TSHZ2: variants seen among roughly 807,000 people sequenced by gnomAD.
TSHZ2 encodes teashirt homolog 2.
In TSHZ2, 21 loss-of-function variants were observed where a neutral mutation model predicts 74.4. The observed-to-expected ratio is 0.28, with a 90% CI of 0.20 to 0.41. The LOEUF (loss-of-function observed/expected upper bound fraction) is 0.41. TSHZ2 is among the 10% of genes least tolerant of loss of function. TSHZ2 has a pLI of 1.00. For missense variants in TSHZ2, 1,244 were observed against 1,293.5 expected, an observed-to-expected ratio of 0.96 and a Z score of 0.59; for synonymous variants, 540 against 515.3, an observed-to-expected ratio of 1.05 and a Z score of -0.65.
chr20:53,354,422 T>A (rs200630), intron 2 of TSHZ2, among the ~76,000 whole-genome samples: 88,003 of 152,080 alleles, frequency 0.58, 26,345 homozygotes, highest in African/African-American at 0.68. Context: ...TTGGCTTGTA[T>A]AGTAGCAGCA....
intron 1 of TSHZ2, among the ~76,000 whole-genome samples, chr20:52,979,741 C>T (rs568900736): frequency 1.3e-5 from 2 of 152,156 alleles, no homozygotes; most frequent in South Asian, 4.2e-4. Context: ...TTCTGGGATG[C>T]TAAAGTCATG....
rs777258500 is a variant in TSHZ2 at position 53,133,007 on chromosome 20, G to C, written c.41-120492G>C. Among the ~76,000 whole-genome samples, 164 of 151,490 alleles carry C rather than the reference G, an allele frequency of 1.1e-3. 1 individual carries two copies. Among genetic ancestry groups the C allele is most frequent in the Non-Finnish European group, 1.7e-3 (115 of 67,934 alleles). Reference sequence around the variant, plus strand: ...CTCTTTCTCATTCTTTTCTCTCCCTGCTAGCATTTGATTAAGTTACAAAAG... The same window carrying C: ...CTCTTTCTCATTCTTTTCTCTCCCTCCTAGCATTTGATTAAGTTACAAAAG... On this transcript the variant is annotated intron_variant, in intron 1 of 2. Transcript: ENST00000371497.
chr20:53,253,460 C>A (rs1990373478), intron 1 of TSHZ2, 39 bp from the exon 2 acceptor site: 4 of 1,550,168 alleles, frequency 2.6e-6, no homozygotes, highest in South Asian at 2.5e-5. Context: ...GAATATGGAG[C>A]CTGTTACTGT....
At chr20:53,383,652 T>C (rs979859670) in intron 2 of TSHZ2, among the ~76,000 whole-genome samples, 1 of 152,102 alleles carries the variant, frequency 6.6e-6, no homozygotes, top group African/African-American at 2.4e-5. Flanking sequence ...TCCCAGCTAC[T>C]CGGGAGGCTG....
intron 1 of TSHZ2, chr20:53,196,392 A>AAAAAAAAG (rs71194463): frequency 5.3e-5 from 7 of 132,320 alleles, no homozygotes; most frequent in South Asian, 2.3e-4. Context: ...AAAAAAAAAA[A>AAAAAAAAG]TGTGCTTTCA....
At chr20:53,417,784 C>T (rs1016269510) in intron 2 of TSHZ2, among the ~76,000 whole-genome samples, 22 of 152,120 alleles carry the variant, frequency 1.4e-4, no homozygotes, top group African/African-American at 5.3e-4. Context: ...TAGGGATGAG[C>T]TGGTATAGAT....
intron 1 of TSHZ2, among the ~76,000 whole-genome samples, chr20:53,239,526 G>T (rs1440771178): frequency 6.6e-6 from 1 of 152,100 alleles, no homozygotes; most frequent in African/African-American, 2.4e-5. Context: ...CACCTGGGAG[G>T]GGAGGTCAAG....
chr20:53,181,444 C>T (rs1988465389), intron 1 of TSHZ2, among the ~76,000 whole-genome samples: 1 of 152,256 alleles, frequency 6.6e-6, no homozygotes, highest in South Asian at 2.1e-4. Flanking sequence ...AGGAAACAAA[C>T]AGAAGTTCAG....
intron 2 of TSHZ2, among the ~76,000 whole-genome samples, chr20:53,478,766 A>T (rs1986064131): frequency 2.6e-5 from 4 of 152,102 alleles, no homozygotes; most frequent in African/African-American, 9.7e-5. Context: ...CTCACTGTTG[A>T]CATTTTAGGA....
At chr20:53,024,314 G>A (rs1983357721) in intron 1 of TSHZ2, among the ~76,000 whole-genome samples, 1 of 151,296 alleles carries the variant, frequency 6.6e-6, no homozygotes, top group African/African-American at 2.4e-5. Context: ...GCGTTTCCTG[G>A]TTTGTGTTTT....
intron 1 of TSHZ2, among the ~76,000 whole-genome samples, chr20:53,177,289 A>G (rs978318746): frequency 1.3e-5 from 2 of 152,248 alleles, no homozygotes; most frequent in African/African-American, 2.4e-5. Context: ...TTAGATTCCA[A>G]TACAGGTTAA....
chr20:53,239,255 T>C (rs942372046), intron 1 of TSHZ2, among the ~76,000 whole-genome samples: 1 of 152,150 alleles, frequency 6.6e-6, no homozygotes, highest in Non-Finnish European at 1.5e-5. Flanking sequence ...TAAGGGTGTG[T>C]TGGACATTAC....
At chr20:53,172,369 C>A (rs772683714) in intron 1 of TSHZ2, among the ~76,000 whole-genome samples, 1 of 152,000 alleles carries the variant, frequency 6.6e-6, no homozygotes, top group Non-Finnish European at 1.5e-5. Context: ...TTTAAAAATG[C>A]CTGCTATGTC....
intron 2 of TSHZ2, among the ~76,000 whole-genome samples, chr20:53,448,015 G>A (rs979702341): frequency 4.6e-5 from 7 of 150,912 alleles, no homozygotes; most frequent in South Asian, 2.1e-4. Context: ...CCTGGTTCAC[G>A]CCATTCTCCT....
At chr20:53,012,541 C>T (rs1357203475) in intron 1 of TSHZ2, among the ~76,000 whole-genome samples, 1 of 152,078 alleles carries the variant, frequency 6.6e-6, no homozygotes, top group Non-Finnish European at 1.5e-5. Context: ...TTTCCAGAAC[C>T]CCAAGCAGCT....
intron 2 of TSHZ2, among the ~76,000 whole-genome samples, chr20:53,329,952 A>C (rs908286614): frequency 4.3e-4 from 65 of 152,328 alleles, no homozygotes; most frequent in African/African-American, 1.5e-3. Context: ...CTCAGGCCAA[A>C]TCCAACCCAC....
At chr20:53,164,959 G>A (rs760717144) in intron 1 of TSHZ2, among the ~76,000 whole-genome samples, 4 of 152,162 alleles carry the variant, frequency 2.6e-5, no homozygotes, top group Non-Finnish European at 5.9e-5. Flanking sequence ...CTTGATTGAT[G>A]GTTATATGAT....
intron 1 of TSHZ2, among the ~76,000 whole-genome samples, chr20:53,145,490 G>A (rs1439518239): frequency 6.6e-6 from 1 of 152,124 alleles, no homozygotes; most frequent in African/African-American, 2.4e-5. Context: ...TAATAGCAGA[G>A]TGGGGCCATA....
intron 1 of TSHZ2, among the ~76,000 whole-genome samples, chr20:53,025,625 C>G (rs767796236): frequency 6.6e-5 from 10 of 152,192 alleles, no homozygotes; most frequent in Admixed American, 3.3e-4. Context: ...TAGAACAAGT[C>G]AGGACACCAG....
Sources: allele counts gnomAD v4.1 joint callset (sites outside exome capture counted in the v4.1 genomes callset), GRCh38; gene constraint gnomAD v4.1.1; transcripts MANE v1.5; gene names NCBI Gene and HGNC (gene_info 2026-07-23, HGNC 2026-07-21).